Variants in CTIF observed in about 807,000 individuals in gnomAD.
CTIF encodes cap binding complex dependent translation initiation factor.
A neutral mutation model predicts 66.0 loss-of-function variants in CTIF; 21 were observed. The ratio of observed to expected loss-of-function variants is 0.32; its 90% CI spans 0.23 to 0.46. The LOEUF (loss-of-function observed/expected upper bound fraction) is 0.46, where lower values mean the gene tolerates loss of function less well. Among genes scored for constraint, CTIF ranks in the 20% least tolerant of loss-of-function variants. The pLI, the probability that CTIF is intolerant of heterozygous loss-of-function variation, is 1.00. For synonymous variants in CTIF, 345 were observed against 326.4 expected, an observed-to-expected ratio of 1.06 and a Z score of -0.62; for missense variants, 739 against 812.7, an observed-to-expected ratio of 0.91 and a Z score of 1.10.
intron 1 of CTIF, among the ~76,000 whole-genome samples, chr18:48,608,195 G>A (rs1054909748): frequency 2.0e-5 from 3 of 152,158 alleles, no homozygotes; most frequent in African/African-American, 7.2e-5. Flanking sequence ...GAGAACTGGG[G>A]TTGATTGCCT....
In CTIF at chr18:48,758,309, TAA is replaced by T; in HGVS notation, c.977_978del (p.Lys326ArgfsTer33). The part of the protein sequence containing the change: ...SGGPEVETKR[K>X]DSILPERIGE... ...GGGGGCCAGAGGTTGAGACAAAACG[TAA>T]AGACAGTATTCTTCCCGAGCGCATC... On this transcript the variant is annotated frameshift_variant, in exon 8 of 12. Transcript: ENST00000256413. LOFTEE classifies it high-confidence loss of function. 1.2e-6 allele frequency: 2 copies of T among 1,613,256 alleles called. No homozygotes were observed. Among genetic ancestry groups the T allele is most frequent in the Non-Finnish European group, 1.7e-6 (2 of 1,179,966 alleles).
intron 9 of CTIF, among the ~76,000 whole-genome samples, chr18:48,813,025 T>A (rs556106153): frequency 6.6e-6 from 1 of 152,186 alleles, no homozygotes; most frequent in Non-Finnish European, 1.5e-5. Context: ...AGTCTATTTA[T>A]CTTTGTATTC....
chr18:48,656,015 C>A (rs2091241675), intron 3 of CTIF, among the ~76,000 whole-genome samples: 1 of 152,244 alleles, frequency 6.6e-6, no homozygotes, highest in African/African-American at 2.4e-5. Flanking sequence ...CATACAGCAA[C>A]TCACTCTCAC....
rs139234002 is a variant in CTIF at position 48,608,594 on chromosome 18, T to C, written c.-28-10944T>C. ...CAGGGTGGCATCTAAGAGGTGGGCT[T>C]GAGCTGTTCTTGAGGATGAGTAGAG... On this transcript the variant is annotated intron_variant, in intron 1 of 11. Coordinates refer to ENST00000256413, the MANE Select transcript of CTIF (RefSeq NM_014772.3). Among the ~76,000 whole-genome samples the C allele has an allele frequency of 3.3e-4, 51 of 152,264 alleles. 1 individual carries two copies. The East Asian group carries it at 8.9e-3, about 27-fold the overall frequency.
chr18:48,635,381 TG>T (rs1216503130), intron 2 of CTIF, among the ~76,000 whole-genome samples: 1 of 151,174 alleles, frequency 6.6e-6, no homozygotes, highest in East Asian at 1.9e-4. Flanking sequence ...CATTGTGCAT[TG>T]GCACGACCAC....
intron 1 of CTIF, among the ~76,000 whole-genome samples, chr18:48,588,895 TCCTCAGCCACACA>T (rs1555650412): frequency 6.6e-6 from 1 of 152,092 alleles, no homozygotes. Flanking sequence ...TTCTGCCACC[TCCTCAGCCACACA>T]GTGGCTGAGG....
intron 6 of CTIF, among the ~76,000 whole-genome samples, chr18:48,680,780 G>A (rs546649957): frequency 1.4e-4 from 22 of 152,338 alleles, no homozygotes; most frequent in South Asian, 6.2e-4. Context: ...AGGAGCCGCC[G>A]GGGCTTGGGG....
intron 7 of CTIF, among the ~76,000 whole-genome samples, chr18:48,730,173 A>T (rs959794257): frequency 6.6e-6 from 1 of 151,798 alleles, no homozygotes; most frequent in Non-Finnish European, 1.5e-5. Flanking sequence ...AAGGGCCTCC[A>T]CAGTGTGAGG....
In CTIF at chr18:48,556,010, C is replaced by T. The variant is rs191517190; in HGVS notation, c.-29+16698C>T. ...GAGGAGGCAGGCAGGACTTTCAGCT[C>T]CCCAAGTCTGGGCCATTTCTGGAAG... On this transcript the variant is annotated intron_variant, in intron 1 of 11. Coordinates refer to ENST00000256413, the MANE Select transcript of CTIF (RefSeq NM_014772.3). 6.0e-4 allele frequency among the ~76,000 whole-genome samples: 91 copies of T among 152,294 alleles called. 1 individual carries two copies. The highest frequency in any genetic ancestry group is 7.2e-4 in the Admixed American group (11 of 15,300).
rs139514005 is a variant in CTIF, at chr18:48,758,343, C to T, written c.1009C>T (p.Arg337Trp). The change falls in exon 8 of 12, where the codon CGG (arginine) becomes TGG (tryptophan). Residue 337 changes from arginine to tryptophan, a missense_variant. By Grantham distance (101) the Arg-to-Trp change is moderately radical. Coordinates refer to ENST00000256413, the MANE Select transcript of CTIF (RefSeq NM_014772.3). ...TATTCTTCCCGAGCGCATCGGGGAG[C>T]GGCCCAAAATTACCCTGCTCCAGTC... ...DSILPERIGE[R>W]PKITLLQSSK... The T allele has an allele frequency of 4.5e-5, 72 of 1,611,572 alleles. No individual in the cohort carries two copies. Among genetic ancestry groups the T allele is most frequent in the African/African-American group, 5.3e-5 (4 of 74,864 alleles).
At chr18:48,653,723 C>T (rs186600239) in intron 3 of CTIF, among the ~76,000 whole-genome samples, 20 of 152,342 alleles carry the variant, frequency 1.3e-4, no homozygotes, top group Admixed American at 1.2e-3. Context: ...TGACTTCAAA[C>T]TATGCTGCAA....
Position 48,711,656 on chromosome 18 carries a change from A to T in CTIF, c.545A>T (p.His182Leu). ...ATGCCCCATGAAGTGGAGATCGCACACACCAAGAAGCTGTTCCGCAGGAGG... is the reference window on the plus strand; with the variant it reads ...ATGCCCCATGAAGTGGAGATCGCACTCACCAAGAAGCTGTTCCGCAGGAGG... ...HPMPHEVEIA[H>L]TKKLFRRRRN... Residue 182 changes from histidine (H) to leucine (L), a missense_variant, in exon 7 of 12, where the codon CAC becomes CTC. Physicochemically the swap from His to Leu is moderately conservative, Grantham distance 99. Coordinates refer to ENST00000256413, the MANE Select transcript of CTIF (RefSeq NM_014772.3). 1.2e-6 allele frequency: 2 copies of T among 1,614,058 alleles called. No homozygotes were observed. Among genetic ancestry groups the T allele is most frequent in the Non-Finnish European group, 1.7e-6 (2 of 1,179,990 alleles).
intron 9 of CTIF, among the ~76,000 whole-genome samples, chr18:48,796,064 C>G (rs1035964492): frequency 7.9e-5 from 12 of 152,190 alleles, no homozygotes; most frequent in Non-Finnish European, 1.5e-4. Flanking sequence ...GGCATGATCT[C>G]GGCTCACTGC....
intron 7 of CTIF, among the ~76,000 whole-genome samples, chr18:48,724,521 C>G (rs760926385): frequency 6.6e-6 from 1 of 152,222 alleles, no homozygotes; most frequent in Non-Finnish European, 1.5e-5. Context: ...TCCTGCTGGC[C>G]TCCTCTGATT....
Position 48,859,871 on chromosome 18 carries a change from CG to C in CTIF, c.*314del. ...CCCTCCCCATCAGACCCATCCCCCA[CG>C]GAGCTTTGTGTGAGGGATCTCATCG... is the stretch of plus-strand genomic sequence containing the variant. On this transcript the variant is annotated 3_prime_UTR_variant, in exon 12 of 12. Transcript: ENST00000256413. 3.6e-6 allele frequency: 2 copies of C among 562,094 alleles called. No individual in the cohort carries two copies. The highest frequency in any genetic ancestry group is 6.8e-6 in the Non-Finnish European group (2 of 294,974). 34.8% of individuals were successfully genotyped at this position (562,094 alleles called of 1,614,324 possible). A position where few individuals can be genotyped will look rare whatever the true frequency, so the allele number is the denominator to read the frequency against.
chr18:48,742,014 A>C (rs895174824), intron 7 of CTIF, among the ~76,000 whole-genome samples: 5 of 152,120 alleles, frequency 3.3e-5, no homozygotes, highest in Admixed American at 2.6e-4. Flanking sequence ...GGAGCTCAAT[A>C]CCATCTGCAG....
At chr18:48,739,178 C>T (rs1050461110) in intron 7 of CTIF, among the ~76,000 whole-genome samples, 5 of 152,220 alleles carry the variant, frequency 3.3e-5, no homozygotes, top group African/African-American at 9.6e-5. Context: ...TCATACTCCC[C>T]ATCACCAGTG....
Position 48,705,880 on chromosome 18 carries a change from G to A in CTIF, c.508-5739G>A, listed in dbSNP as rs531719510. The stretch of plus-strand genomic sequence containing the variant: ...AAGTCCTCGGTCCTTCCTATGGGCC[G>A]CCAGAGGCGCCCGTTCAACTTCAAC... On this transcript the variant is annotated intron_variant, in intron 6 of 11. Transcript: ENST00000256413. 1.4e-4 allele frequency among the ~76,000 whole-genome samples: 22 copies of A among 152,342 alleles called. No individual in the cohort carries two copies. In the East Asian group the frequency reaches 2.9e-3, roughly 20 times the overall value.
intron 9 of CTIF, among the ~76,000 whole-genome samples, chr18:48,782,275 G>A (rs555273704): frequency 1.5e-5 from 2 of 132,210 alleles, no homozygotes; most frequent in East Asian, 4.0e-4. Flanking sequence ...AGGGAGACAG[G>A]GGAAGCCATA....
Sources: allele counts gnomAD v4.1 joint callset (sites outside exome capture counted in the v4.1 genomes callset), GRCh38; gene constraint gnomAD v4.1.1; transcripts MANE v1.5; gene names NCBI Gene and HGNC (gene_info 2026-07-23, HGNC 2026-07-21).